ZNF827: variants seen among roughly 807,000 people sequenced by gnomAD.
The protein encoded by ZNF827 is zinc finger protein 827.
ZNF827 carries 13 observed loss-of-function variants against 102.4 expected under a neutral mutation model. The observed-to-expected ratio is 0.13, with a 90% CI of 0.08 to 0.20. The LOEUF (loss-of-function observed/expected upper bound fraction) is 0.20, where lower values mean the gene tolerates loss of function less well. ZNF827 is among the 10% of genes least tolerant of loss of function. The pLI is 1.00. For missense variants in ZNF827, 1,103 were observed against 1,344.4 expected (o/e 0.82, Z 2.81); for synonymous variants, 523 against 536.2 (o/e 0.98, Z 0.34).
intron 3 of ZNF827, among the ~76,000 whole-genome samples, chr4:145,887,730 A>G (rs1475624479): frequency 6.6e-6 from 1 of 152,158 alleles, no homozygotes; most frequent in Non-Finnish European, 1.5e-5. Context: ...TTGCTTTCTC[A>G]CAGAATCCCC....
intron 6 of ZNF827, 52 bp downstream of exon 6, chr4:145,849,270 G>T (rs1339787477): frequency 6.3e-6 from 10 of 1,587,204 alleles, no homozygotes; most frequent in Non-Finnish European, 7.7e-6. Flanking sequence ...TGTTAGAAGG[G>T]TTTTCCTTCA....
rs928310356 is a variant in ZNF827 at position 145,761,738 on chromosome 4, G to A, written c.*18-140C>T. On this transcript the variant is annotated intron_variant, in intron 14 of 14. Coordinates refer to ENST00000508784, the MANE Select transcript of ZNF827 (RefSeq NM_001306215.2). This position sits in a 1 kb window ranked among gnomAD's most constrained non-coding sequence, Gnocchi z 6.8. ...CTGCCCAGCCCAGCCCAGCCCTGCC[G>A]CCTCTCAGGGGTGGAACGGCCCTTT... 16 of 458,252 alleles carry A rather than the reference G, an allele frequency of 3.5e-5. No individual in the cohort carries two copies. Among genetic ancestry groups the A allele is most frequent in the Admixed American group, 7.5e-5 (2 of 26,546 alleles). 28.4% of individuals were successfully genotyped at this position (458,252 alleles called of 1,614,324 possible).
At chr4:145,848,824 A>G (rs1746237250) in intron 6 of ZNF827, among the ~76,000 whole-genome samples, 1 of 152,222 alleles carries the variant, frequency 6.6e-6, no homozygotes, top group Non-Finnish European at 1.5e-5. Context: ...TGCTAAGGCT[A>G]TAGCTGGAAA....
intron 5 of ZNF827, among the ~76,000 whole-genome samples, chr4:145,869,361 T>C (rs148674634): frequency 3.4e-4 from 52 of 152,338 alleles, no homozygotes; most frequent in African/African-American, 1.3e-3. Flanking sequence ...TCTAATGCAT[T>C]TCTTGCTTTC....
chr4:145,869,555 A>G (rs1748505300), intron 5 of ZNF827, among the ~76,000 whole-genome samples: 1 of 152,196 alleles, frequency 6.6e-6, no homozygotes, highest in Admixed American at 6.6e-5. Flanking sequence ...TTGAATTGAA[A>G]AGACATTATG....
At chr4:145,883,608 A>G (rs534713260) in intron 4 of ZNF827, among the ~76,000 whole-genome samples, 1 of 152,328 alleles carries the variant, frequency 6.6e-6, no homozygotes, top group Admixed American at 6.5e-5. Context: ...TGCATCATAC[A>G]CAAGTGTTTT....
intron 4 of ZNF827, among the ~76,000 whole-genome samples, chr4:145,878,794 A>G (rs1305169540): frequency 6.7e-6 from 1 of 149,376 alleles, no homozygotes; most frequent in East Asian, 2.1e-4. Context: ...GAAGGAAGGA[A>G]AAGAGCTAGC....
intron 1 of ZNF827, among the ~76,000 whole-genome samples, chr4:145,920,610 G>A (rs777189303): frequency 1.3e-5 from 2 of 152,180 alleles, no homozygotes; most frequent in Non-Finnish European, 2.9e-5. Flanking sequence ...TAGGCAAATC[G>A]TTTTCTCATT....
chr4:145,877,393 T>A (rs1327376671), intron 4 of ZNF827, among the ~76,000 whole-genome samples: 1 of 152,348 alleles, frequency 6.6e-6, no homozygotes, highest in East Asian at 1.9e-4. Context: ...AAAGCCAAGA[T>A]TTAATTAAAT....
At chr4:145,806,498 C>T (rs1741468217) in intron 8 of ZNF827, among the ~76,000 whole-genome samples, 1 of 151,992 alleles carries the variant, frequency 6.6e-6, no homozygotes, top group Non-Finnish European at 1.5e-5. Context: ...ATATGCACAC[C>T]TCACAATCTT....
At chr4:145,778,598 C>T (rs974603115) in intron 9 of ZNF827, among the ~76,000 whole-genome samples, 12 of 151,990 alleles carry the variant, frequency 7.9e-5, no homozygotes, top group African/African-American at 1.7e-4. Context: ...GGTGACAGAG[C>T]GAGACCCTAT....
chr4:145,781,652 A>G (rs1738073194), intron 8 of ZNF827, among the ~76,000 whole-genome samples: 1 of 152,228 alleles, frequency 6.6e-6, no homozygotes, highest in Non-Finnish European at 1.5e-5. Context: ...AGTAAAAAAA[A>G]AGGGAGATGA....
chr4:145,913,550 T>C (rs1160915525), intron 1 of ZNF827, among the ~76,000 whole-genome samples: 1 of 151,488 alleles, frequency 6.6e-6, no homozygotes, highest in African/African-American at 2.4e-5. Flanking sequence ...AGCAAATTAA[T>C]AACAAAATTT....
chr4:145,823,323 C>T, intron 8 of ZNF827, 99 bp downstream of exon 8: 1 of 982,704 alleles, frequency 1.0e-6, no homozygotes, highest in Non-Finnish European at 1.6e-6. Flanking sequence ...ATATGAATAA[C>T]TACATCCGTA....
chr4:145,834,942 A>C (rs898895021), intron 7 of ZNF827: 9 of 152,204 alleles, frequency 5.9e-5, no homozygotes, highest in Non-Finnish European at 1.0e-4. Context: ...CATCTCCAGC[A>C]CATAAGAACT....
chr4:145,796,883 G>A lies in ZNF827; in HGVS notation c.2384-17372C>T, dbSNP rs185490034. Among the ~76,000 whole-genome samples the A allele has an allele frequency of 2.6e-3, 388 of 152,136 alleles. 1 individual carries two copies. The highest frequency in any genetic ancestry group is 8.8e-3 in the African/African-American group (364 of 41,504). On this transcript the variant is annotated intron_variant, in intron 8 of 14. Coordinates refer to ENST00000508784, the MANE Select transcript of ZNF827 (RefSeq NM_001306215.2). Reference sequence around the variant, plus strand: ...TGATCTCAGGTGATCCACCAGCCTCGGCCTCCCAAAATGCTGGGATTACTG... The same window carrying A: ...TGATCTCAGGTGATCCACCAGCCTCAGCCTCCCAAAATGCTGGGATTACTG...
intron 7 of ZNF827, among the ~76,000 whole-genome samples, chr4:145,824,609 T>A (rs1299712803): frequency 6.6e-6 from 1 of 151,790 alleles, no homozygotes; most frequent in Non-Finnish European, 1.5e-5. Context: ...AGAGAGGGAG[T>A]GGTAGAATAC....
At chr4:145,818,157 C>T (rs544707873) in intron 8 of ZNF827, among the ~76,000 whole-genome samples, 1 of 152,130 alleles carries the variant, frequency 6.6e-6, no homozygotes, top group Non-Finnish European at 1.5e-5. Flanking sequence ...ACTTAAAATG[C>T]CAACAGCTGC....
intron 3 of ZNF827, among the ~76,000 whole-genome samples, chr4:145,886,475 C>A (rs934115694): frequency 9.2e-5 from 14 of 152,128 alleles, no homozygotes; most frequent in Non-Finnish European, 1.8e-4. Context: ...ATATTATAAA[C>A]CCAGCACAAT....
Sources: allele counts gnomAD v4.1 joint callset (sites outside exome capture counted in the v4.1 genomes callset), GRCh38; gene constraint gnomAD v4.1.1; non-coding constraint Gnocchi (gnomAD v3.1); transcripts MANE v1.5; gene names NCBI Gene and HGNC (gene_info 2026-07-23, HGNC 2026-07-21).